The following CTNND2 variants were observed in gnomAD, a reference collection of about 807,000 sequenced individuals.
CTNND2 encodes catenin delta-2.
CTNND2 carries 22 observed loss-of-function variants against 144.4 expected under a neutral mutation model. The ratio of observed to expected loss-of-function variants is 0.15; its 90% CI spans 0.11 to 0.22. The LOEUF is 0.22. Ranked by LOEUF, CTNND2 falls within the 10% of genes least tolerant of loss-of-function variation. The probability of loss-of-function intolerance (pLI) is 1.00; values close to 1 mark genes in which losing one functional copy is unlikely to be tolerated. For synonymous variants in CTNND2, 751 were observed against 695.6 expected (o/e 1.08, Z -1.25); for missense variants, 1,353 against 1,618.8 (o/e 0.84, Z 2.82).
intron 3 of CTNND2, among the ~76,000 whole-genome samples, chr5:11,505,160 T>C (rs1412691701): frequency 6.6e-6 from 1 of 151,438 alleles, no homozygotes; most frequent in Non-Finnish European, 1.5e-5. Flanking sequence ...ACTGTTAACA[T>C]TTAAGAAAAA....
In CTNND2 at chr5:11,393,210, T is replaced by G. The variant is rs146121614; in HGVS notation, c.612+3821A>C. On this transcript the variant is annotated intron_variant, in intron 6 of 21. Coordinates refer to ENST00000304623, the MANE Select transcript of CTNND2 (RefSeq NM_001332.4). ...GAAATTTTGTTTCTCAAAAAGTGTA[T>G]TGCTTTTCTAGAACACTTACCACTG... is the stretch of plus-strand genomic sequence containing the variant. Among the ~76,000 whole-genome samples, 3 of 152,332 alleles carry G rather than the reference T, an allele frequency of 2.0e-5. No homozygotes were observed. In the East Asian group the frequency reaches 5.8e-4, roughly 29 times the overall value.
intron 1 of CTNND2, among the ~76,000 whole-genome samples, chr5:11,840,394 C>T (rs1794401170): frequency 6.6e-6 from 1 of 152,166 alleles, no homozygotes; most frequent in Admixed American, 6.5e-5. Context: ...AAAATTACTT[C>T]TCTCAGGTTA....
intron 9 of CTNND2, among the ~76,000 whole-genome samples, chr5:11,274,160 A>G (rs1278020192): frequency 6.6e-6 from 1 of 152,198 alleles, no homozygotes; most frequent in Non-Finnish European, 1.5e-5. Context: ...CTAGGGGCTG[A>G]GCCAAGGTAC....
intron 2 of CTNND2, among the ~76,000 whole-genome samples, chr5:11,589,332 A>C (rs1324276645): frequency 1.3e-5 from 2 of 151,806 alleles, no homozygotes; most frequent in African/African-American, 4.8e-5. Flanking sequence ...AACAACAAAA[A>C]AACACATCAT....
Position 11,500,982 on chromosome 5 carries a change from A to T in CTNND2, c.287+63962T>A, listed in dbSNP as rs1005370107. 3.9e-5 allele frequency among the ~76,000 whole-genome samples: 6 copies of T among 152,246 alleles called. 1 individual carries two copies. In the South Asian group the frequency reaches 8.3e-4, roughly 21 times the overall value. The stretch of plus-strand genomic sequence containing the variant: ...TATAAATACCTCTTAATTTGTAATT[A>T]ATCAAAAACTGCTTTATAGTATCTC... On this transcript the variant is annotated intron_variant, in intron 3 of 21. Coordinates refer to ENST00000304623, the MANE Select transcript of CTNND2 (RefSeq NM_001332.4).
intron 16 of CTNND2, among the ~76,000 whole-genome samples, chr5:11,076,093 T>C (rs1748919990): frequency 6.6e-6 from 1 of 152,232 alleles, no homozygotes; most frequent in African/African-American, 2.4e-5. Flanking sequence ...TATTATTTCA[T>C]TTGGGGAAGA....
intron 7 of CTNND2, among the ~76,000 whole-genome samples, chr5:11,379,668 T>C (rs1242335022): frequency 1.3e-5 from 2 of 152,196 alleles, no homozygotes; most frequent in East Asian, 3.9e-4. Context: ...ATTTTTGTAT[T>C]GTCCCATTTC....
chr5:11,755,910 C>G (rs1186514369), intron 1 of CTNND2, among the ~76,000 whole-genome samples: 3 of 151,278 alleles, frequency 2.0e-5, no homozygotes, highest in African/African-American at 7.3e-5. Flanking sequence ...TTTTCCTACC[C>G]TATGTTCCTG....
chr5:11,362,115 G>A (rs914196286), intron 8 of CTNND2, among the ~76,000 whole-genome samples: 5 of 152,116 alleles, frequency 3.3e-5, no homozygotes, highest in Non-Finnish European at 7.3e-5. Flanking sequence ...CTTTAGGCCT[G>A]CAAACCTCTT....
intron 15 of CTNND2, among the ~76,000 whole-genome samples, chr5:11,088,450 A>T (rs1750409523): frequency 6.6e-6 from 1 of 152,230 alleles, no homozygotes; most frequent in African/African-American, 2.4e-5. Context: ...AAATTAATTC[A>T]GTTGTTTCTT....
At chr5:11,308,323 T>A (rs551405969) in intron 9 of CTNND2, among the ~76,000 whole-genome samples, 46 of 152,322 alleles carry the variant, frequency 3.0e-4, no homozygotes, top group African/African-American at 1.0e-3. Flanking sequence ...ACTTTCTCTG[T>A]AAATAACTGG....
chr5:11,703,509 C>A lies in CTNND2; in HGVS notation c.174+28627G>T, dbSNP rs74336657. 6.1e-3 allele frequency among the ~76,000 whole-genome samples: 922 copies of A among 152,312 alleles called. 3 individuals carry two copies. Among genetic ancestry groups the A allele is most frequent in the Non-Finnish European group, 0.011 (731 of 68,034 alleles). On this transcript the variant is annotated intron_variant, in intron 2 of 21. Coordinates refer to ENST00000304623, the MANE Select transcript of CTNND2 (RefSeq NM_001332.4). ...CTACACAGGCAAATCTCCATTGCTG[C>A]TGCAGAGTTACACCTTCTGCCAACA...
At chr5:11,019,551 T>C (rs1742013815) in intron 17 of CTNND2, among the ~76,000 whole-genome samples, 1 of 152,218 alleles carries the variant, frequency 6.6e-6, no homozygotes, top group South Asian at 2.1e-4. Context: ...AACCTCTCAA[T>C]TAAAATGCCA....
rs1370391344 is a variant in CTNND2 at position 11,811,384 on chromosome 5, T to C, written c.38-79112A>G. On this transcript the variant is annotated intron_variant, in intron 1 of 21. Coordinates refer to ENST00000304623, the MANE Select transcript of CTNND2 (RefSeq NM_001332.4). ...TTCATGGCCATTCTGATTTCCCTGA[T>C]TGAGTGTGCATATATCTAACACAAC... is the stretch of plus-strand genomic sequence containing the variant. 2.0e-5 allele frequency among the ~76,000 whole-genome samples: 3 copies of C among 152,188 alleles called. No individual in the cohort carries two copies. The East Asian group carries it at 5.8e-4, about 29-fold the overall frequency.
At chr5:11,539,215 G>A (rs1156595302) in intron 3 of CTNND2, among the ~76,000 whole-genome samples, 1 of 152,144 alleles carries the variant, frequency 6.6e-6, no homozygotes, top group Non-Finnish European at 1.5e-5. Flanking sequence ...CAAGTCAAGA[G>A]CGTTCTTTGA....
chr5:11,068,904 G>A (rs1042397681), intron 16 of CTNND2, among the ~76,000 whole-genome samples: 3 of 152,186 alleles, frequency 2.0e-5, no homozygotes, highest in Admixed American at 6.5e-5. Flanking sequence ...GCGACAGAGC[G>A]AGACTCCGTC....
intron 1 of CTNND2, among the ~76,000 whole-genome samples, chr5:11,856,467 C>T (rs987731841): frequency 2.0e-4 from 30 of 152,172 alleles, no homozygotes; most frequent in African/African-American, 7.0e-4. Context: ...TTGACAAACT[C>T]GGCTCAGGAT....
intron 12 of CTNND2, among the ~76,000 whole-genome samples, chr5:11,155,128 A>C (rs1254326940): frequency 6.6e-6 from 1 of 152,226 alleles, no homozygotes; most frequent in Non-Finnish European, 1.5e-5. Context: ...GTCCAGAGAG[A>C]GCGGAGCCAG....
intron 16 of CTNND2, among the ~76,000 whole-genome samples, chr5:11,066,992 T>C (rs955078316): frequency 6.6e-6 from 1 of 152,156 alleles, no homozygotes; most frequent in African/African-American, 2.4e-5. Flanking sequence ...GATGCAGCCA[T>C]ATACCAACCC....
Sources: gnomAD v4.1 joint callset for allele counts (sites outside exome capture counted in the v4.1 genomes callset) on GRCh38, gnomAD v4.1.1 for gene constraint, MANE v1.5 for transcripts, NCBI Gene and HGNC (gene_info 2026-07-23, HGNC 2026-07-21) for gene names.